The following WASHC3 variants were observed in gnomAD, a reference collection of about 807,000 sequenced individuals.
The protein encoded by WASHC3 is WASH complex subunit 3, also known as WASH complex subunit CCDC53.
WASHC3 carries 24 observed loss-of-function variants against 26.1 expected under a neutral mutation model. That is an observed-to-expected ratio of 0.92 (90% CI 0.66 to 1.29). WASHC3 has a LOEUF of 1.29. Among genes scored for constraint, WASHC3 ranks in the 50% most tolerant of loss-of-function variants. The pLI is 0.00. For missense variants in WASHC3, 214 were observed against 229.6 expected (o/e 0.93, Z 0.44); for synonymous variants, 77 against 75.7 (o/e 1.02, Z -0.09).
chr12:102,022,453 T>C (rs1876999156), intron 6 of WASHC3, among the ~76,000 whole-genome samples: 1 of 152,192 alleles, frequency 6.6e-6, no homozygotes, highest in Non-Finnish European at 1.5e-5. Flanking sequence ...TCTGAACAAC[T>C]CTGTAAGGGA....
chr12:102,027,801 C>T (rs1348743890), intron 5 of WASHC3, among the ~76,000 whole-genome samples: 1 of 152,092 alleles, frequency 6.6e-6, no homozygotes, highest in African/African-American at 2.4e-5. Context: ...TGGTCATTTG[C>T]AGGCCCATTT....
chr12:102,030,472 A>C (rs1456933363), intron 5 of WASHC3, among the ~76,000 whole-genome samples: 1 of 152,106 alleles, frequency 6.6e-6, no homozygotes, highest in Non-Finnish European at 1.5e-5. Context: ...TCAGTGAAGA[A>C]ATATCAATTA....
chr12:102,035,537 C>T (rs1374265728), intron 5 of WASHC3, among the ~76,000 whole-genome samples: 1 of 152,082 alleles, frequency 6.6e-6, no homozygotes, highest in Non-Finnish European at 1.5e-5. Flanking sequence ...TGAGGAAGAC[C>T]TCTGCTGGGT....
At chr12:102,041,122 T>C (rs76932491) in intron 4 of WASHC3, among the ~76,000 whole-genome samples, 5,799 of 150,382 alleles carry the variant, frequency 0.039, 314 homozygotes, top group East Asian at 0.29. Context: ...TACATATATA[T>C]ACACACACAC....
In WASHC3 at chr12:102,039,698, C is replaced by CT. The variant is rs878856548; in HGVS notation, c.435+169dup. On this transcript the variant is annotated intron_variant, in intron 5 of 6. Transcript: ENST00000240079. ...GGATCAATTCTAAAGATTTGACTTCCTTTTTTTTTTTTAATCAGAGAATTA... is the reference window on the plus strand; with the variant it reads ...GGATCAATTCTAAAGATTTGACTTCCTTTTTTTTTTTTTAATCAGAGAATTA... Among the ~76,000 whole-genome samples the CT allele has an allele frequency of 5.2e-4, 73 of 140,866 alleles. 1 individual carries two copies. The highest frequency in any genetic ancestry group is 1.8e-3 in the South Asian group (8 of 4,450). The allele number at this position is 140,866 out of a possible 152,430, so 92.4% of individuals were successfully genotyped here.
Position 102,052,915 on chromosome 12 carries a change from C to T in WASHC3, c.151-6796G>A, listed in dbSNP as rs118060515. On this transcript the variant is annotated intron_variant, in intron 2 of 6. Transcript: ENST00000240079. ...TATAATCTCAGGCTCCAGTCTGGCC[C>T]CTGTGACCCCAGGCTGCACACTTGC... Among the ~76,000 whole-genome samples, 239 of 151,944 alleles carry T rather than the reference C, an allele frequency of 1.6e-3. 3 individuals carry two copies. In the East Asian group the frequency reaches 0.029, roughly 18 times the overall value.
At chr12:102,048,005 T>C (rs576872033) in intron 2 of WASHC3, among the ~76,000 whole-genome samples, 242 of 152,258 alleles carry the variant, frequency 1.6e-3, no homozygotes, top group Non-Finnish European at 2.7e-3. Context: ...TCACGAGATT[T>C]TTTTGAGATA....
chr12:102,025,343 C>G (rs1298222678), intron 6 of WASHC3, among the ~76,000 whole-genome samples: 1 of 152,020 alleles, frequency 6.6e-6, no homozygotes, highest in African/African-American at 2.4e-5. Flanking sequence ...ATGAAATAAA[C>G]TGTTGTCAAA....
At chr12:102,050,640 C>T (rs1037602822) in intron 2 of WASHC3, 1 of 439,816 alleles carries the variant, frequency 2.3e-6, no homozygotes, top group African/African-American at 2.0e-5. Flanking sequence ...AAGACCCCGT[C>T]TCGGGGGGAA....
intron 2 of WASHC3, among the ~76,000 whole-genome samples, chr12:102,051,093 G>C (rs1878376433): frequency 6.6e-6 from 1 of 152,222 alleles, no homozygotes; most frequent in Admixed American, 6.5e-5. Flanking sequence ...AAGAACTCTA[G>C]AAACAGTGCC....
chr12:102,031,698 C>G (rs1434556370), intron 5 of WASHC3, among the ~76,000 whole-genome samples: 8 of 151,950 alleles, frequency 5.3e-5, no homozygotes, highest in Non-Finnish European at 1.0e-4. Flanking sequence ...ATCCCACAAA[C>G]CTTCATGTAC....
chr12:102,037,988 T>A (rs897785614), intron 5 of WASHC3, among the ~76,000 whole-genome samples: 1 of 152,076 alleles, frequency 6.6e-6, no homozygotes, highest in Non-Finnish European at 1.5e-5. Flanking sequence ...AGAGACAAGG[T>A]TTCTCCATGT....
chr12:102,024,122 A>G (rs965585899), intron 6 of WASHC3, among the ~76,000 whole-genome samples: 10 of 152,202 alleles, frequency 6.6e-5, no homozygotes, highest in African/African-American at 1.9e-4. Context: ...AGGGAACTGC[A>G]AGTAGTTTGC....
chr12:102,030,375 ATAT>A (rs1472347495), intron 5 of WASHC3, among the ~76,000 whole-genome samples: 1 of 152,034 alleles, frequency 6.6e-6, no homozygotes, highest in Non-Finnish European at 1.5e-5. Flanking sequence ...TTCAGATTAA[ATAT>A]TATATATAAT....
At chr12:102,060,152 A>G (rs934906568) in intron 2 of WASHC3, among the ~76,000 whole-genome samples, 2 of 152,250 alleles carry the variant, frequency 1.3e-5, no homozygotes, top group African/African-American at 4.8e-5. Context: ...CAGAATGTTC[A>G]ACAGACTTAC....
At position 102,039,081 on chromosome 12, in the gene WASHC3, T is replaced by G. The variant is rs1285855126; in HGVS notation, c.435+787A>C. On this transcript the variant is annotated intron_variant, in intron 5 of 6. Transcript: ENST00000240079. Reference sequence around the variant, plus strand: ...CTCAAGCAATCCTCCCACCTCAGCCTCTTGAGTAGCTGGCACTACCAGGTG... The same window carrying G: ...CTCAAGCAATCCTCCCACCTCAGCCGCTTGAGTAGCTGGCACTACCAGGTG... 2.7e-5 allele frequency among the ~76,000 whole-genome samples: 4 copies of G among 150,930 alleles called. No individual in the cohort carries two copies. The Admixed American group carries it at 2.7e-4, about 10-fold the overall frequency.
Position 102,013,004 on chromosome 12 carries a change from G to A in WASHC3, c.*104C>T. 2 of 566,350 alleles carry A rather than the reference G, an allele frequency of 3.5e-6. No individual in the cohort carries two copies. Among genetic ancestry groups the A allele is most frequent in the Non-Finnish European group, 6.2e-6 (2 of 322,406 alleles). 35.1% of individuals were successfully genotyped at this position (566,350 alleles called of 1,614,324 possible). ...ATAGAAGAAGCTTGGTAGTGGACAT[G>A]TGGCCATTTGATGTTTTTATGACTA... On this transcript the variant is annotated 3_prime_UTR_variant, in exon 7 of 7. Coordinates refer to ENST00000240079, the MANE Select transcript of WASHC3 (RefSeq NM_016053.4).
At chr12:102,061,810 G>GT in intron 1 of WASHC3, 102 bp downstream of exon 1, 1 of 1,011,040 alleles carries the variant, frequency 9.9e-7, no homozygotes, top group Non-Finnish European at 1.5e-6. Flanking sequence ...GCCCGAGGCC[G>GT]TGACAGGGTG....
chr12:102,047,502 C>A (rs556656136), intron 2 of WASHC3, among the ~76,000 whole-genome samples: 5 of 152,294 alleles, frequency 3.3e-5, no homozygotes, highest in East Asian at 1.9e-4. Context: ...AATTCATTCA[C>A]ATAAGGCTTT....
Sources: allele counts gnomAD v4.1 joint callset (sites outside exome capture counted in the v4.1 genomes callset), GRCh38; gene constraint gnomAD v4.1.1; transcripts MANE v1.5; gene names NCBI Gene and HGNC (gene_info 2026-07-23, HGNC 2026-07-21).